The following POMT1 variants were observed in gnomAD, a reference collection of about 807,000 sequenced individuals.
The protein encoded by POMT1 is protein O-mannosyltransferase 1, also known as protein O-mannosyl-transferase 1.
A neutral mutation model predicts 101.6 loss-of-function variants in POMT1; 85 were observed. The observed-to-expected ratio is 0.84, with a 90% CI of 0.70 to 1.00. The LOEUF (loss-of-function observed/expected upper bound fraction) is 1.00. Among genes scored for constraint, POMT1 ranks in the 50% least tolerant of loss-of-function variants. POMT1 has a pLI of 0.00. For synonymous variants in POMT1, 371 were observed against 383.0 expected, an observed-to-expected ratio of 0.97 and a Z score of 0.37; for missense variants, 857 against 930.4, an observed-to-expected ratio of 0.92 and a Z score of 1.03.
intron 13 of POMT1, chr9:131,518,142 C>G: frequency 2.3e-6 from 1 of 434,848 alleles, no homozygotes; most frequent in Non-Finnish European, 4.5e-6. Context: ...GCTCTGAGCC[C>G]TATGAATAGG....
chr9:131,521,766 A>G (rs1425084960), intron 18 of POMT1, among the ~76,000 whole-genome samples: 1 of 152,230 alleles, frequency 6.6e-6, no homozygotes, highest in Non-Finnish European at 1.5e-5. Context: ...AGGTGTCTCC[A>G]GTCGAGTGCA....
At position 131,521,347 on chromosome 9, in the gene POMT1, C is replaced by T. The variant is rs143003535; in HGVS notation, c.1700C>T (p.Ala567Val). 1.9e-6 allele frequency: 3 copies of T among 1,614,192 alleles called. No individual in the cohort carries two copies. The highest frequency in any genetic ancestry group is 1.7e-6 in the Non-Finnish European group (2 of 1,180,028). The change falls in exon 18 of 20, where the codon GCT (alanine) becomes GTT (valine). Residue 567 changes from alanine to valine, a missense_variant and splice_region_variant. Coordinates refer to ENST00000402686, the MANE Select transcript of POMT1 (RefSeq NM_001077365.2). ...ACAGCATCTCCCATGTTCCCTTAGG[C>T]TCAGATCCACCTACTTGGAAACATA... ...IAYWLHPRTS[A>V]QIHLLGNIVI...
At position 131,522,792 on chromosome 9, in the gene POMT1, A is replaced by C; in HGVS notation, c.2004-140A>C. On this transcript the variant is annotated intron_variant, in intron 19 of 19. Transcript: ENST00000402686. The surrounding 1 kb of genome is among the most constrained non-coding windows in gnomAD (Gnocchi z 5.5). The stretch of plus-strand genomic sequence containing the variant: ...CAGGTGGGAGATGGTCATGGGTGGC[A>C]GGAGACAAGACACAGAAACCTGAAG... 2.2e-6 allele frequency: 2 copies of C among 920,676 alleles called. No individual in the cohort carries two copies. The highest frequency in any genetic ancestry group is 3.4e-6 in the Non-Finnish European group (2 of 592,820). The allele number at this position is 920,676 out of a possible 1,614,324, so 57.0% of individuals were successfully genotyped here.
Position 131,504,253 on chromosome 9 carries a change from C to A in POMT1, c.35C>A (p.Thr12Lys), listed in dbSNP as rs767008169. Reference protein sequence around the residue: ...WGFLKRPVVVTADINLSLVAL... With the variant: ...WGFLKRPVVVKADINLSLVAL... Reference sequence around the variant, plus strand: ...TTTTTGAAGCGCCCTGTAGTGGTGACGGCTGACATCAACTTGAGCCTTGTG... The same window carrying A: ...TTTTTGAAGCGCCCTGTAGTGGTGAAGGCTGACATCAACTTGAGCCTTGTG... The change falls in exon 2 of 20, where the codon ACG becomes AAG. Residue 12 changes from threonine (T) to lysine (K), a missense_variant. Physicochemically the swap from Thr to Lys is moderately conservative, Grantham distance 78 (BLOSUM62 -1). Transcript: ENST00000402686. The A allele has an allele frequency of 4.3e-6, 7 of 1,614,030 alleles. No homozygotes were observed. The highest frequency in any genetic ancestry group is 8.5e-7 in the Non-Finnish European group (1 of 1,180,016).
chr9:131,509,135 T>C lies in POMT1; in HGVS notation c.539+113T>C. On this transcript the variant is annotated intron_variant, in intron 6 of 19. Transcript: ENST00000402686. ...TTTCGTTTTGTGAGACAGTACCTTT[T>C]CATTTTGAGGAGTTGCTTGCTAAAT... 3.9e-6 allele frequency: 3 copies of C among 761,144 alleles called. No individual in the cohort carries two copies. The Admixed American group carries it at 6.2e-5, about 16-fold the overall frequency. The allele number at this position is 761,144 out of a possible 1,614,324, so 47.1% of individuals were successfully genotyped here.
rs200204923 is a variant in POMT1, at chr9:131,518,951, G to A, written c.1480G>A (p.Gly494Ser). 36 of 1,613,530 alleles carry A rather than the reference G, an allele frequency of 2.2e-5. No individual in the cohort carries two copies. The highest frequency in any genetic ancestry group is 2.7e-5 in the African/African-American group (2 of 75,060). Residue 494 changes from glycine (G) to serine (S), a missense_variant, in exon 15 of 20, where the codon GGC becomes AGC. By Grantham distance (56) the Gly-to-Ser change is moderately conservative. Transcript: ENST00000402686. The part of the protein sequence containing the change: ...TVWNVEEHRY[G>S]ASQEQRERER... ...GTGGAACGTGGAGGAGCACCGATAC[G>A]GCGCGAGTGAGTCCGCGGCGTGGCT...
Position 131,507,271 on chromosome 9 carries a change from CTG to C in POMT1, c.281-94_281-93del, listed in dbSNP as rs1193250052. The C allele has an allele frequency of 6.3e-6, 10 of 1,580,714 alleles. No homozygotes were observed. In the African/African-American group the frequency reaches 8.1e-5, roughly 13 times the overall value. On this transcript the variant is annotated intron_variant, in intron 4 of 19. Transcript: ENST00000402686. ...GTTTTGTAAACGTGCATTTTAGAGTCTGTGAACATGACGGCGCTATGTGAAAG... is the reference window on the plus strand; with the variant it reads ...GTTTTGTAAACGTGCATTTTAGAGTCTGAACATGACGGCGCTATGTGAAAG...
In POMT1 at chr9:131,521,369, CAT is replaced by C. The variant is rs778373035; in HGVS notation, c.1724_1725del (p.Ile575SerfsTer30). The C allele has an allele frequency of 2.5e-6, 4 of 1,614,206 alleles. No homozygotes were observed. Among genetic ancestry groups the C allele is most frequent in the African/African-American group, 1.3e-5 (1 of 75,052 alleles). ...TSAQIHLLGN[I>X]VIWVSGSLAL... Reference sequence around the variant, plus strand: ...AGGCTCAGATCCACCTACTTGGAAACATAGTGATCTGGGTTTCGGGCAGCCTC... The same window carrying C: ...AGGCTCAGATCCACCTACTTGGAAACAGTGATCTGGGTTTCGGGCAGCCTC... On this transcript the variant is annotated frameshift_variant, in exon 18 of 20. Coordinates refer to ENST00000402686, the MANE Select transcript of POMT1 (RefSeq NM_001077365.2). LOFTEE classifies it high-confidence loss of function.
intron 13 of POMT1, among the ~76,000 whole-genome samples, chr9:131,516,166 T>A (rs1588442159): frequency 1.2e-5 from 1 of 81,456 alleles, no homozygotes; most frequent in African/African-American, 4.3e-5. Flanking sequence ...ACTCTCACAC[T>A]CACACGGAGC....
chr9:131,505,574 A>G (rs935676734), intron 2 of POMT1, among the ~76,000 whole-genome samples: 6 of 152,128 alleles, frequency 3.9e-5, no homozygotes, highest in African/African-American at 1.4e-4. Flanking sequence ...GATTCTTAAA[A>G]ACAAAAATCA....
intron 13 of POMT1, 125 bp downstream of exon 13, chr9:131,515,647 G>A (rs553863027): frequency 8.1e-6 from 7 of 866,230 alleles, no homozygotes; most frequent in East Asian, 2.6e-5. Context: ...TTCATCACAC[G>A]GAGCACTTCC....
rs752384050 is a variant in POMT1 at position 131,518,502 on chromosome 9, C to T, written c.1330C>T (p.Arg444Cys). The T allele has an allele frequency of 2.8e-5, 45 of 1,613,810 alleles. No individual in the cohort carries two copies. The highest frequency in any genetic ancestry group is 5.5e-5 in the South Asian group (5 of 91,084). Residue 444 changes from arginine to cysteine, a missense_variant, in exon 14 of 20, where the codon CGC (arginine) becomes TGC (cysteine). Arg to Cys is a radical substitution (Grantham distance 180). Coordinates refer to ENST00000402686, the MANE Select transcript of POMT1 (RefSeq NM_001077365.2). ...CTGGAAGACCATCCTCTCAGAGGTC[C>T]GCTTTGTGCACGTGAACACTTCCGC... ...DVWKTILSEV[R>C]FVHVNTSAVL...
At position 131,518,928 on chromosome 9, in the gene POMT1, G is replaced by A. The variant is rs1191391104; in HGVS notation, c.1457G>A (p.Trp486Ter). The A allele has an allele frequency of 6.2e-7, 1 of 1,613,698 alleles. No individual in the cohort carries two copies. The highest frequency in any genetic ancestry group is 8.5e-7 in the Non-Finnish European group (1 of 1,180,028). Residue 486 changes from tryptophan (W) to a stop codon, truncating the protein, a stop_gained, in exon 15 of 20, where the codon TGG (tryptophan) becomes TAG (stop). Transcript: ENST00000402686. LOFTEE classifies it high-confidence loss of function. Reference protein sequence around the residue: ...LSRGYHGSTVWNVEEHRYGAS... With the variant: ...LSRGYHGSTV ...CGGGGCTACCACGGGAGCACGGTGT[G>A]GAACGTGGAGGAGCACCGATACGGC...
chr9:131,518,170 A>G (rs1285097679), intron 13 of POMT1: 2 of 493,340 alleles, frequency 4.1e-6, no homozygotes. Flanking sequence ...GAGAGGCACG[A>G]AGAACATCAG....
chr9:131,518,816 A>C, intron 14 of POMT1, 21 bp from the exon 15 acceptor site: 2 of 1,613,238 alleles, frequency 1.2e-6, no homozygotes, highest in Non-Finnish European at 1.7e-6. Flanking sequence ...CACGCCCTTT[A>C]CTCTCCTGCG....
chr9:131,503,430 C>T lies in POMT1; in HGVS notation c.-31+357C>T, dbSNP rs1474014664. On this transcript the variant is annotated intron_variant, in intron 1 of 19. Coordinates refer to ENST00000402686, the MANE Select transcript of POMT1 (RefSeq NM_001077365.2). This position sits in a 1 kb window ranked among gnomAD's most constrained non-coding sequence, Gnocchi z 4.4. ...GGTCTGCAAGGGGAGAGGAGGCACT[C>T]CCAGGACAGATGGGACCTTTTGGGA... The T allele has an allele frequency of 1.3e-5, 2 of 155,836 alleles. No individual in the cohort carries two copies. Among genetic ancestry groups the T allele is most frequent in the Non-Finnish European group, 2.8e-5 (2 of 70,820 alleles). 9.7% of individuals were successfully genotyped at this position (155,836 alleles called of 1,614,324 possible).
In POMT1 at chr9:131,523,332, T is replaced by C. The variant is rs3824395; in HGVS notation, c.*226T>C. The C allele has an allele frequency of 0.93, 548,722 of 592,146 alleles. 255,637 individuals carry two copies. Among genetic ancestry groups the C allele is most frequent in the South Asian group, 0.97 (50,583 of 52,124 alleles). 36.7% of individuals were successfully genotyped at this position (592,146 alleles called of 1,614,324 possible). Reference sequence around the variant, plus strand: ...CGACAATAAAGATATTCCGTGTCTTTACCCCTGAACTAAGACACAGGGAGT... The same window carrying C: ...CGACAATAAAGATATTCCGTGTCTTCACCCCTGAACTAAGACACAGGGAGT... On this transcript the variant is annotated 3_prime_UTR_variant, in exon 20 of 20. Transcript: ENST00000402686.
At chr9:131,504,847 C>T (rs374513417) in intron 2 of POMT1, among the ~76,000 whole-genome samples, 215 of 150,862 alleles carry the variant, frequency 1.4e-3, no homozygotes, top group African/African-American at 4.6e-3. Flanking sequence ...GGTGCCATCT[C>T]GGCTCACTGC....
At chr9:131,521,962 A>T (rs1301090947) in intron 18 of POMT1, 85 bp from the exon 19 acceptor site, 4 of 1,598,348 alleles carry the variant, frequency 2.5e-6, no homozygotes, top group Non-Finnish European at 3.4e-6. Context: ...CATAGTAAGA[A>T]CCCTCTCTCT....
Sources: allele counts gnomAD v4.1 joint callset (sites outside exome capture counted in the v4.1 genomes callset), GRCh38; gene constraint gnomAD v4.1.1; non-coding constraint Gnocchi (gnomAD v3.1); transcripts MANE v1.5; gene names NCBI Gene and HGNC (gene_info 2026-07-23, HGNC 2026-07-21).